Variants in KLHDC7A observed in about 807,000 individuals in gnomAD.
The protein encoded by KLHDC7A is kelch domain-containing protein 7A.
For missense variants in KLHDC7A, 1,123 were observed against 1,052.6 expected (o/e 1.07, Z -0.93); for synonymous variants, 464 against 461.0 (o/e 1.01, Z -0.08).
Position 18,481,508 on chromosome 1 carries a change from C to T in KLHDC7A, c.527C>T (p.Ala176Val), listed in dbSNP as rs759263479. ...TCCCCAGCTGGACTCATTGCAGCAG[C>T]CGACGGCAGCTGTGCCGGTGGTGAG... is the stretch of plus-strand genomic sequence containing the variant. Reference protein sequence around the residue: ...KSSPAGLIAAADGSCAGGEPS... With the variant: ...KSSPAGLIAAVDGSCAGGEPS... The change falls in exon 1 of 1, where the codon GCC becomes GTC. Residue 176 changes from alanine (A) to valine (V), a missense_variant. Transcript: ENST00000400664. 6 of 1,613,392 alleles carry T rather than the reference C, an allele frequency of 3.7e-6. No individual in the cohort carries two copies. Among genetic ancestry groups the T allele is most frequent in the Non-Finnish European group, 5.1e-6 (6 of 1,180,012 alleles).
Position 18,481,829 on chromosome 1 carries a change from C to T in KLHDC7A, c.848C>T (p.Pro283Leu). ...ATACAGAAGGCGGAGGGGGTTGAGC[C>T]CCGGCTCAAGGGCAAGGTGTACGAC... ...HFIQKAEGVEPRLKGKVYDYY... is the reference protein window; with the variant it reads ...HFIQKAEGVELRLKGKVYDYY... The change falls in exon 1 of 1, where the codon CCC becomes CTC. Residue 283 changes from proline to leucine, a missense_variant. Transcript: ENST00000400664. 2 of 1,614,082 alleles carry T rather than the reference C, an allele frequency of 1.2e-6. No homozygotes were observed.
Position 18,482,897 on chromosome 1 carries a change from C to G in KLHDC7A, c.1916C>G (p.Thr639Ser). The G allele has an allele frequency of 6.2e-7, 1 of 1,610,286 alleles. No individual in the cohort carries two copies. Among genetic ancestry groups the G allele is most frequent in the East Asian group, 2.2e-5 (1 of 44,776 alleles). Residue 639 changes from threonine (T) to serine (S), a missense_variant, in exon 1 of 1, where the codon ACC becomes AGC. Coordinates refer to ENST00000400664, the MANE Select transcript of KLHDC7A (RefSeq NM_152375.3). ...GTGCGTGCCAAGGAAATCTTCGTCA[C>G]CGGCGGCTCGCTGCGCTTCCTGCTG... ...ATVRAKEIFV[T>S]GGSLRFLLFR...
chr1:18,482,673 G>C lies in KLHDC7A; in HGVS notation c.1692G>C (p.Pro564=), dbSNP rs777761901. 1.2e-6 allele frequency: 2 copies of C among 1,608,886 alleles called. No homozygotes were observed. The highest frequency in any genetic ancestry group is 1.7e-6 in the Non-Finnish European group (2 of 1,179,366). Residue 564 remains proline (P), a synonymous_variant, in exon 1 of 1, where the codon CCG becomes CCC. Transcript: ENST00000400664. Reference sequence around the variant, plus strand: ...CCAGCCGCGTCTTCTGCTACAACCCGCTCACGGGGATCTGGAGCGAGGTGT... The same window carrying C: ...CCAGCCGCGTCTTCTGCTACAACCCCCTCACGGGGATCTGGAGCGAGGTGT... The part of the protein sequence containing the change: ...QPSSRVFCYN[P]LTGIWSEVCP...
Position 18,485,274 on chromosome 1 carries a change from T to C in KLHDC7A, c.*1959T>C, listed in dbSNP as rs2086925840. Reference sequence around the variant, plus strand: ...GCAACAACTAAGCTAGGTAAAGTTCTGGAAAGTTTCCAAGCCCAGGAGGAA... The same window carrying C: ...GCAACAACTAAGCTAGGTAAAGTTCCGGAAAGTTTCCAAGCCCAGGAGGAA... On this transcript the variant is annotated 3_prime_UTR_variant, in exon 1 of 1. Coordinates refer to ENST00000400664, the MANE Select transcript of KLHDC7A (RefSeq NM_152375.3). The C allele has an allele frequency of 6.0e-6, 1 of 166,744 alleles. No individual in the cohort carries two copies. 10.3% of individuals were successfully genotyped at this position (166,744 alleles called of 1,614,324 possible).
At position 18,482,795 on chromosome 1, in the gene KLHDC7A, A is replaced by C; in HGVS notation, c.1814A>C (p.Tyr605Ser). The C allele has an allele frequency of 6.2e-7, 1 of 1,608,558 alleles. No individual in the cohort carries two copies. Among genetic ancestry groups the C allele is most frequent in the Non-Finnish European group, 8.5e-7 (1 of 1,178,088 alleles). ...GGECLNSVERYDPRLDRWDFA... is the reference protein window; with the variant it reads ...GGECLNSVERSDPRLDRWDFA... ...GAGTGTCTGAACTCGGTGGAGCGTT[A>C]CGACCCCCGCCTGGACCGCTGGGAC... Residue 605 changes from tyrosine to serine, a missense_variant, in exon 1 of 1, where the codon TAC becomes TCC. Coordinates refer to ENST00000400664, the MANE Select transcript of KLHDC7A (RefSeq NM_152375.3).
In KLHDC7A at chr1:18,482,399, G is replaced by T. The variant is rs759616071; in HGVS notation, c.1418G>T (p.Gly473Val). The change falls in exon 1 of 1, where the codon GGG (glycine) becomes GTG (valine). Residue 473 changes from glycine to valine, a missense_variant. Coordinates refer to ENST00000400664, the MANE Select transcript of KLHDC7A (RefSeq NM_152375.3). Reference sequence around the variant, plus strand: ...GTGCTGCGCAGCCCGGACATCTACGGGTGCCTGAGCGGGGCAGAGCGCGAG... The same window carrying T: ...GTGCTGCGCAGCCCGGACATCTACGTGTGCCTGAGCGGGGCAGAGCGCGAG... ...LQVLRSPDIY[G>V]CLSGAERELI... 1 of 1,606,768 alleles carries T rather than the reference G, an allele frequency of 6.2e-7. No homozygotes were observed. The highest frequency in any genetic ancestry group is 8.5e-7 in the Non-Finnish European group (1 of 1,179,946).
In KLHDC7A at chr1:18,482,411, G is replaced by C. The variant is rs1359821671; in HGVS notation, c.1430G>C (p.Gly477Ala). ...RSPDIYGCLS[G>A]AERELILQRR... The stretch of plus-strand genomic sequence containing the variant: ...CCGGACATCTACGGGTGCCTGAGCG[G>C]GGCAGAGCGCGAGCTGATCCTGCAG... Residue 477 changes from glycine (G) to alanine (A), a missense_variant, in exon 1 of 1, where the codon GGG becomes GCG. Transcript: ENST00000400664. The C allele has an allele frequency of 3.1e-6, 5 of 1,607,814 alleles. No homozygotes were observed. Among genetic ancestry groups the C allele is most frequent in the Non-Finnish European group, 4.2e-6 (5 of 1,179,930 alleles).
Position 18,483,356 on chromosome 1 carries a change from C to T in KLHDC7A, c.*41C>T, listed in dbSNP as rs763395563. On this transcript the variant is annotated 3_prime_UTR_variant, in exon 1 of 1. Coordinates refer to ENST00000400664, the MANE Select transcript of KLHDC7A (RefSeq NM_152375.3). ...GCTCCTCATGCAAAGCTGGGGGCCA[C>T]CGGGCTCCACTGCCAGCCGTCCCTC... The T allele has an allele frequency of 3.2e-6, 5 of 1,581,656 alleles. No homozygotes were observed. In the East Asian group the frequency reaches 6.7e-5, roughly 21 times the overall value.
chr1:18,482,659 T>C lies in KLHDC7A; in HGVS notation c.1678T>C (p.Phe560Leu). Residue 560 changes from phenylalanine to leucine, a missense_variant, in exon 1 of 1, where the codon TTC becomes CTC. Coordinates refer to ENST00000400664, the MANE Select transcript of KLHDC7A (RefSeq NM_152375.3). ...GPGHQPSSRV[F>L]CYNPLTGIWS... The stretch of plus-strand genomic sequence containing the variant: ...CGGGCACCAGCCCTCCAGCCGCGTC[T>C]TCTGCTACAACCCGCTCACGGGGAT... 6.2e-7 allele frequency: 1 copy of C among 1,608,892 alleles called. No individual in the cohort carries two copies. Among genetic ancestry groups the C allele is most frequent in the Non-Finnish European group, 8.5e-7 (1 of 1,179,274 alleles).
chr1:18,482,232 T>C lies in KLHDC7A; in HGVS notation c.1251T>C (p.His417=), dbSNP rs150742945. 6.2e-6 allele frequency: 10 copies of C among 1,607,838 alleles called. No individual in the cohort carries two copies. The highest frequency in any genetic ancestry group is 7.6e-6 in the Non-Finnish European group (9 of 1,179,920). The part of the protein sequence containing the change: ...VQPVAGTNFF[H]IPLTPASAPQ... Reference sequence around the variant, plus strand: ...CGGTGGCCGGGACCAATTTCTTCCATATCCCGCTCACCCCTGCTTCAGCCC... The same window carrying C: ...CGGTGGCCGGGACCAATTTCTTCCACATCCCGCTCACCCCTGCTTCAGCCC... Residue 417 remains histidine, a synonymous_variant, in exon 1 of 1, where the codon CAT becomes CAC. Coordinates refer to ENST00000400664, the MANE Select transcript of KLHDC7A (RefSeq NM_152375.3).
In KLHDC7A at chr1:18,482,182, A is replaced by AGCAG; in HGVS notation, c.1202_1205dup (p.Ser402ArgfsTer37). 6.2e-7 allele frequency: 1 copy of AGCAG among 1,611,134 alleles called. No homozygotes were observed. The highest frequency in any genetic ancestry group is 8.5e-7 in the Non-Finnish European group (1 of 1,179,828). ...GGGCGCCCTGCCTGGCTTAGGCAGA[A>AGCAG]GCAGCCGGGAGCCCCATGTGCAGCC... On this transcript the variant is annotated frameshift_variant, in exon 1 of 1. Transcript: ENST00000400664. LOFTEE classifies it low-confidence loss of function (END_TRUNC).
Position 18,482,825 on chromosome 1 carries a change from C to T in KLHDC7A, c.1844C>T (p.Ala615Val), listed in dbSNP as rs2086906370. 1 of 1,610,336 alleles carries T rather than the reference C, an allele frequency of 6.2e-7. No individual in the cohort carries two copies. The change falls in exon 1 of 1, where the codon GCC becomes GTC. Residue 615 changes from alanine to valine, a missense_variant. By Grantham distance (64) the Ala-to-Val change is moderately conservative. Coordinates refer to ENST00000400664, the MANE Select transcript of KLHDC7A (RefSeq NM_152375.3). ...YDPRLDRWDF[A>V]PPLPSDTFAL... ...CCCCGCCTGGACCGCTGGGACTTTG[C>T]CCCGCCGCTCCCCAGTGACACGTTC...
chr1:18,481,762 A>G lies in KLHDC7A; in HGVS notation c.781A>G (p.Thr261Ala), dbSNP rs1372275587. The G allele has an allele frequency of 6.2e-7, 1 of 1,613,900 alleles. No homozygotes were observed. The highest frequency in any genetic ancestry group is 2.2e-5 in the East Asian group (1 of 44,872). ...QQEGAPNSSY[T>A]FSSIARVRME... ...GGAGGGCGCCCCCAACTCCTCCTAT[A>G]CCTTCTCATCCATAGCCCGCGTCCG... Residue 261 changes from threonine (T) to alanine (A), a missense_variant, in exon 1 of 1, where the codon ACC (threonine) becomes GCC (alanine). Physicochemically the swap from Thr to Ala is moderately conservative, Grantham distance 58 (BLOSUM62 0). Transcript: ENST00000400664.
chr1:18,484,733 T>G lies in KLHDC7A; in HGVS notation c.*1418T>G, dbSNP rs1311874754. On this transcript the variant is annotated 3_prime_UTR_variant, in exon 1 of 1. Coordinates refer to ENST00000400664, the MANE Select transcript of KLHDC7A (RefSeq NM_152375.3). ...GCTGGTGCCCAGGCTGTGGGTCTTG[T>G]TGGAAGAAGCAGGACTGGAACAAAG... The G allele has an allele frequency of 6.0e-6, 1 of 166,978 alleles. No individual in the cohort carries two copies. The highest frequency in any genetic ancestry group is 6.5e-5 in the Admixed American group (1 of 15,268). The allele number at this position is 166,978 out of a possible 1,614,324, so 10.3% of individuals were successfully genotyped here.
chr1:18,483,824 C>T lies in KLHDC7A; in HGVS notation c.*509C>T, dbSNP rs1266598671. ...GACACACAGGTGGGAAAGATGGAGG[C>T]AGGTGACTTGGGCAGGGCCAGGAAG... On this transcript the variant is annotated 3_prime_UTR_variant, in exon 1 of 1. Coordinates refer to ENST00000400664, the MANE Select transcript of KLHDC7A (RefSeq NM_152375.3). 4 of 1,223,240 alleles carry T rather than the reference C, an allele frequency of 3.3e-6. No homozygotes were observed. 75.8% of individuals were successfully genotyped at this position (1,223,240 alleles called of 1,614,324 possible). A position where few individuals can be genotyped will look rare whatever the true frequency, so the allele number is the denominator to read the frequency against.
Position 18,481,302 on chromosome 1 carries a change from C to T in KLHDC7A, c.321C>T (p.Val107=), listed in dbSNP as rs1485776911. ...CENPRGPYVL[V]TGATSTDRKP... ...ATCCAAGAGGCCCCTATGTCCTGGT[C>T]ACGGGGGCCACTTCCACAGACAGGA... The change falls in exon 1 of 1, where the codon GTC becomes GTT. Residue 107 remains valine (V), a synonymous_variant. Transcript: ENST00000400664. 2.5e-6 allele frequency: 4 copies of T among 1,585,040 alleles called. No homozygotes were observed. The African/African-American group carries it at 4.1e-5, about 16-fold the overall frequency.
In KLHDC7A at chr1:18,481,332, C is replaced by T. The variant is rs1160327444; in HGVS notation, c.351C>T (p.Pro117=). 28 of 1,592,538 alleles carry T rather than the reference C, an allele frequency of 1.8e-5. No homozygotes were observed. Among genetic ancestry groups the T allele is most frequent in the African/African-American group, 2.7e-5 (2 of 74,300 alleles). ...VTGATSTDRK[P]QRKGSGEERG... ...GGGCCACTTCCACAGACAGGAAGCC[C>T]CAGAGAAAAGGCTCAGGTGAGGAGC... Residue 117 remains proline (P), a synonymous_variant, in exon 1 of 1, where the codon CCC becomes CCT. Transcript: ENST00000400664.
chr1:18,482,536 C>A lies in KLHDC7A; in HGVS notation c.1555C>A (p.Arg519Ser), dbSNP rs748284288. The A allele has an allele frequency of 1.9e-6, 3 of 1,612,092 alleles. No individual in the cohort carries two copies. The highest frequency in any genetic ancestry group is 1.1e-5 in the South Asian group (1 of 91,080). The change falls in exon 1 of 1, where the codon CGC (arginine) becomes AGC (serine). Residue 519 changes from arginine (R) to serine (S), a missense_variant. Coordinates refer to ENST00000400664, the MANE Select transcript of KLHDC7A (RefSeq NM_152375.3). The part of the protein sequence containing the change: ...CCYDDEQDVW[R>S]PLARMPPEAV... Reference sequence around the variant, plus strand: ...CTATGACGATGAGCAGGATGTCTGGCGCCCGCTGGCTCGCATGCCCCCCGA... The same window carrying A: ...CTATGACGATGAGCAGGATGTCTGGAGCCCGCTGGCTCGCATGCCCCCCGA...
Position 18,483,261 on chromosome 1 carries a change from C to T in KLHDC7A, c.2280C>T (p.Leu760=). 6.2e-7 allele frequency: 1 copy of T among 1,613,830 alleles called. No individual in the cohort carries two copies. Among genetic ancestry groups the T allele is most frequent in the Non-Finnish European group, 8.5e-7 (1 of 1,180,004 alleles). ...LRSFPAPQGT[L]LPTVLTLPTP... ...GTTTCCCGGCCCCGCAGGGCACCCTCCTGCCCACCGTCCTGACCTTGCCCA... is the reference window on the plus strand; with the variant it reads ...GTTTCCCGGCCCCGCAGGGCACCCTTCTGCCCACCGTCCTGACCTTGCCCA... Residue 760 remains leucine, a synonymous_variant, in exon 1 of 1, where the codon CTC becomes CTT. Transcript: ENST00000400664.
Sources: gnomAD v4.1 joint callset for allele counts on GRCh38, gnomAD v4.1.1 for gene constraint, MANE v1.5 for transcripts, NCBI Gene and HGNC (gene_info 2026-07-23, HGNC 2026-07-21) for gene names.